The following ABTB3 variants were observed in gnomAD, a reference collection of about 807,000 sequenced individuals.
The protein encoded by ABTB3 is ankyrin repeat and BTB domain containing 3.
the ABTB3 span, chr12:107,319,681 C>T: frequency 2.0e-6 from 3 of 1,535,930 alleles, no homozygotes; most frequent in South Asian, 1.2e-5. Context: ...TCTTCCGGGA[C>T]ATCTACTCGC....
chr12:107,578,383 C>CTTTTTTTTTTTTTTTTTTTTTTTTTTT, the ABTB3 span, among the ~76,000 whole-genome samples: 1 of 57,196 alleles, frequency 1.7e-5, no homozygotes, highest in Non-Finnish European at 3.0e-5. Context: ...CTTTCTTCTT[C>CTTTTTTTTTTTTTTTTTTTTTTTTTTT]TTTTTTTTTT....
At chr12:107,357,956 C>T in the ABTB3 span, among the ~76,000 whole-genome samples, 5 of 152,186 alleles carry the variant, frequency 3.3e-5, no homozygotes, top group African/African-American at 1.2e-4. Context: ...TCCAAAATTC[C>T]ATCTTTCCTT....
chr12:107,533,889 T>C, the ABTB3 span, among the ~76,000 whole-genome samples: 1 of 152,224 alleles, frequency 6.6e-6, no homozygotes, highest in Admixed American at 6.5e-5. Context: ...AAAGCAAGTC[T>C]TGACAAATTT....
At chr12:107,469,432 A>C in the ABTB3 span, among the ~76,000 whole-genome samples, 1 of 152,116 alleles carries the variant, frequency 6.6e-6, no homozygotes, top group African/African-American at 2.4e-5. Context: ...AGCCTTTCTG[A>C]GAGTTGATTT....
chr12:107,585,149 A>G, the ABTB3 span, among the ~76,000 whole-genome samples: 1 of 152,126 alleles, frequency 6.6e-6, no homozygotes, highest in Non-Finnish European at 1.5e-5. Context: ...TCTGCTCTGG[A>G]GTGAAGGCTG....
At chr12:107,396,582 AT>A in the ABTB3 span, among the ~76,000 whole-genome samples, 2,525 of 65,480 alleles carry the variant, frequency 0.039, 86 homozygotes, top group African/African-American at 0.14. Flanking sequence ...ACAAAGATGA[AT>A]TTTTTTTTTT....
the ABTB3 span, among the ~76,000 whole-genome samples, chr12:107,482,590 C>A: frequency 3.3e-5 from 5 of 152,012 alleles, no homozygotes; most frequent in African/African-American, 1.2e-4. Context: ...TGCCTTTTTG[C>A]CTTCCTTCTA....
chr12:107,405,136 C>T, the ABTB3 span, among the ~76,000 whole-genome samples: 1 of 152,140 alleles, frequency 6.6e-6, no homozygotes, highest in African/African-American at 2.4e-5. Context: ...TTGGGAGGCA[C>T]CCCTGTCTGG....
chr12:107,561,596 T>C, the ABTB3 span, among the ~76,000 whole-genome samples: 3 of 152,224 alleles, frequency 2.0e-5, no homozygotes, highest in Non-Finnish European at 4.4e-5. Flanking sequence ...GTAAACCTCC[T>C]TGCTAGATTG....
At chr12:107,478,453 A>T in the ABTB3 span, among the ~76,000 whole-genome samples, 1 of 152,146 alleles carries the variant, frequency 6.6e-6, no homozygotes, top group South Asian at 2.1e-4. Context: ...TGCTCATGGT[A>T]CTTGTTTGTT....
chr12:107,562,780 C>A, the ABTB3 span, among the ~76,000 whole-genome samples: 1 of 152,220 alleles, frequency 6.6e-6, no homozygotes, highest in East Asian at 1.9e-4. Context: ...CACAAAAGCA[C>A]TAGGAACAGT....
chr12:107,635,211 G>A, the ABTB3 span: 18 of 1,304,118 alleles, frequency 1.4e-5, no homozygotes, highest in South Asian at 7.7e-5. Context: ...CTGGAGGGAC[G>A]CATTCCTGGG....
At chr12:107,554,050 G>A in the ABTB3 span, among the ~76,000 whole-genome samples, 1 of 152,300 alleles carries the variant, frequency 6.6e-6, no homozygotes, top group African/African-American at 2.4e-5. Context: ...GGATGGTAAC[G>A]GAGAGTACTG....
chr12:107,333,754 C>T, the ABTB3 span, among the ~76,000 whole-genome samples: 1 of 152,170 alleles, frequency 6.6e-6, no homozygotes, highest in Non-Finnish European at 1.5e-5. Context: ...ATTGCCTTTA[C>T]AGAACTTACA....
the ABTB3 span, among the ~76,000 whole-genome samples, chr12:107,387,284 G>A: frequency 6.6e-6 from 1 of 152,184 alleles, no homozygotes; most frequent in African/African-American, 2.4e-5. Flanking sequence ...GGCCAAGTCA[G>A]CTGCATTCTA....
the ABTB3 span, among the ~76,000 whole-genome samples, chr12:107,350,826 T>G: frequency 1.3e-5 from 2 of 152,208 alleles, no homozygotes; most frequent in Non-Finnish European, 2.9e-5. Flanking sequence ...GAAGGGTCTC[T>G]CTTCTTTCCC....
the ABTB3 span, among the ~76,000 whole-genome samples, chr12:107,563,219 C>T: frequency 6.3e-4 from 96 of 152,186 alleles, no homozygotes; most frequent in Non-Finnish European, 9.6e-4. Context: ...ACCATTCCAG[C>T]GAACCATTCC....
At chr12:107,596,735 A>T in the ABTB3 span, among the ~76,000 whole-genome samples, 1 of 152,146 alleles carries the variant, frequency 6.6e-6, no homozygotes, top group African/African-American at 2.4e-5. Context: ...ATCCAGGCCA[A>T]GAGCCTCTCC....
the ABTB3 span, among the ~76,000 whole-genome samples, chr12:107,592,986 A>T: frequency 6.6e-6 from 1 of 152,268 alleles, no homozygotes; most frequent in South Asian, 2.1e-4. Flanking sequence ...AAGTTCTGGG[A>T]TATGAATATG....
Sources: allele counts gnomAD v4.1 joint callset (sites outside exome capture counted in the v4.1 genomes callset), GRCh38; gene constraint gnomAD v4.1.1; transcripts MANE v1.5; gene names NCBI Gene and HGNC (gene_info 2026-07-23, HGNC 2026-07-21).